The following CYB5B variants were observed in gnomAD, a reference collection of about 807,000 sequenced individuals.
CYB5B encodes cytochrome b5 type B (outer mitochondrial membrane).
CYB5B carries 14 observed loss-of-function variants against 21.3 expected under a neutral mutation model. The observed-to-expected ratio is 0.66, with a 90% CI of 0.43 to 1.03. The LOEUF (loss-of-function observed/expected upper bound fraction) is 1.03, where lower values mean the gene tolerates loss of function less well. CYB5B is among the 50% of genes least tolerant of loss of function. The pLI is 0.00. For missense variants in CYB5B, 166 were observed against 185.1 expected (o/e 0.90, Z 0.60); for synonymous variants, 69 against 68.4 (o/e 1.01, Z -0.04).
At chr16:69,432,801 C>T (rs1053308045) in intron 1 of CYB5B, among the ~76,000 whole-genome samples, 1 of 151,934 alleles carries the variant, frequency 6.6e-6, no homozygotes, top group African/African-American at 2.4e-5. Flanking sequence ...ATAGCCTGTA[C>T]TCCTTTTTTT....
intron 1 of CYB5B, among the ~76,000 whole-genome samples, chr16:69,440,472 G>A (rs937107108): frequency 1.3e-5 from 2 of 152,096 alleles, no homozygotes; most frequent in Admixed American, 6.5e-5. Context: ...GGTACCCACT[G>A]TATTACCATA....
intron 1 of CYB5B, among the ~76,000 whole-genome samples, chr16:69,426,347 C>G (rs1285194468): frequency 6.7e-6 from 1 of 148,242 alleles, no homozygotes; most frequent in African/African-American, 2.5e-5. Flanking sequence ...TGCAGTGAGC[C>G]TAGATTGCGC....
At chr16:69,449,131 G>C (rs970879507) in intron 3 of CYB5B, 1 of 152,032 alleles carries the variant, frequency 6.6e-6, no homozygotes, top group African/African-American at 2.4e-5. Flanking sequence ...GGAATGAAAT[G>C]GTTCTTAAAA....
At chr16:69,451,649 C>T (rs1014598940) in intron 3 of CYB5B, among the ~76,000 whole-genome samples, 2 of 151,814 alleles carry the variant, frequency 1.3e-5, no homozygotes, top group Non-Finnish European at 2.9e-5. Flanking sequence ...TAGTTCAAAA[C>T]AGTATACTAT....
chr16:69,435,065 C>T (rs2014746423), intron 1 of CYB5B, among the ~76,000 whole-genome samples: 1 of 151,830 alleles, frequency 6.6e-6, no homozygotes, highest in Non-Finnish European at 1.5e-5. Flanking sequence ...GCATTTTTTT[C>T]TAGTGGCTGG....
rs1597286946 is a variant in CYB5B at position 69,456,591 on chromosome 16, T to A, written c.334-2502T>A. Among the ~76,000 whole-genome samples, 3 of 152,292 alleles carry A rather than the reference T, an allele frequency of 2.0e-5. No individual in the cohort carries two copies. In the Middle Eastern group the frequency reaches 0.01, roughly 518 times the overall value. ...ACCACTTGTAACTAAAATCATAGTA[T>A]TGCAATTATTACTTTCCAGGCCAAA... On this transcript the variant is annotated intron_variant, in intron 3 of 4. Coordinates refer to ENST00000307892, the MANE Select transcript of CYB5B (RefSeq NM_030579.3).
chr16:69,434,425 C>G (rs762813786), intron 1 of CYB5B, among the ~76,000 whole-genome samples: 1 of 152,164 alleles, frequency 6.6e-6, no homozygotes, highest in Non-Finnish European at 1.5e-5. Context: ...GGTTATATGT[C>G]TGTTTAACTT....
chr16:69,456,679 G>C (rs2014986581), intron 3 of CYB5B, among the ~76,000 whole-genome samples: 1 of 152,160 alleles, frequency 6.6e-6, no homozygotes. Context: ...ATACCTGAAG[G>C]GATAAATTAA....
intron 3 of CYB5B, among the ~76,000 whole-genome samples, chr16:69,453,829 G>A (rs4783706): frequency 0.35 from 53,747 of 152,044 alleles, 10,565 homozygotes; most frequent in Admixed American, 0.46. Flanking sequence ...AAAGTGCTGG[G>A]ATTACAGGCA....
intron 1 of CYB5B, among the ~76,000 whole-genome samples, chr16:69,435,746 T>C (rs2014753968): frequency 6.6e-6 from 1 of 152,158 alleles, no homozygotes; most frequent in South Asian, 2.1e-4. Context: ...CAAGCAATTC[T>C]TCTGCCTCAG....
chr16:69,442,426 A>G (rs958093150), intron 1 of CYB5B, among the ~76,000 whole-genome samples: 5 of 152,160 alleles, frequency 3.3e-5, no homozygotes, highest in African/African-American at 1.2e-4. Flanking sequence ...TTCTAGTTTC[A>G]GGCATAAAGG....
intron 4 of CYB5B, among the ~76,000 whole-genome samples, chr16:69,461,370 G>A (rs553697708): frequency 8.5e-5 from 13 of 152,194 alleles, no homozygotes; most frequent in South Asian, 4.1e-4. Flanking sequence ...GCTGTTATAC[G>A]TGCCATATTG....
intron 3 of CYB5B, among the ~76,000 whole-genome samples, chr16:69,455,747 C>T (rs1374780902): frequency 6.6e-6 from 1 of 151,926 alleles, no homozygotes; most frequent in African/African-American, 2.4e-5. Flanking sequence ...CAAATTGGGT[C>T]AGTGCTTATG....
At chr16:69,455,052 C>A (rs1413606085) in intron 3 of CYB5B, among the ~76,000 whole-genome samples, 1 of 152,074 alleles carries the variant, frequency 6.6e-6, no homozygotes, top group Non-Finnish European at 1.5e-5. Flanking sequence ...TGCCACCACA[C>A]CCAGCTAATT....
intron 4 of CYB5B, among the ~76,000 whole-genome samples, chr16:69,462,108 A>G (rs8057787): frequency 2.0e-5 from 3 of 152,222 alleles, no homozygotes; most frequent in Non-Finnish European, 4.4e-5. Context: ...GCAAAAGCAC[A>G]ATGAAGAAAA....
chr16:69,431,155 C>T (rs1311738844), intron 1 of CYB5B, among the ~76,000 whole-genome samples: 1 of 151,666 alleles, frequency 6.6e-6, no homozygotes, highest in Non-Finnish European at 1.5e-5. Context: ...CCTCCCACCA[C>T]ACCTGGCTAG....
intron 3 of CYB5B, among the ~76,000 whole-genome samples, chr16:69,451,723 G>C (rs1461329292): frequency 6.6e-6 from 1 of 151,184 alleles, no homozygotes; most frequent in Non-Finnish European, 1.5e-5. Flanking sequence ...AGGCTGAGGC[G>C]GGCGGATCAC....
intron 3 of CYB5B, among the ~76,000 whole-genome samples, chr16:69,456,756 G>A (rs1368345137): frequency 6.6e-6 from 1 of 152,212 alleles, no homozygotes; most frequent in East Asian, 1.9e-4. Context: ...CTTAGCTGTG[G>A]AAATGAAGAC....
At chr16:69,450,527 A>G (rs1401568523) in intron 3 of CYB5B, among the ~76,000 whole-genome samples, 1 of 152,226 alleles carries the variant, frequency 6.6e-6, no homozygotes, top group African/African-American at 2.4e-5. Context: ...TTTCAAGACC[A>G]CCTACATAGG....
Sources: gnomAD v4.1 joint callset for allele counts (sites outside exome capture counted in the v4.1 genomes callset) on GRCh38, gnomAD v4.1.1 for gene constraint, MANE v1.5 for transcripts, NCBI Gene and HGNC (gene_info 2026-07-23, HGNC 2026-07-21) for gene names.